The following MAST2 variants were observed in gnomAD, a reference collection of about 807,000 sequenced individuals.
The protein encoded by MAST2 is microtubule associated serine/threonine kinase 2.
Under a neutral mutation model 147.4 loss-of-function variants are expected in MAST2, and 70 were observed. The observed-to-expected ratio is 0.47, with a 90% CI of 0.39 to 0.58. MAST2 has a LOEUF of 0.58. Ranked by LOEUF, MAST2 falls within the 20% of genes least tolerant of loss-of-function variation. MAST2 has a pLI of 0.00. For synonymous variants in MAST2, 869 were observed against 896.8 expected (o/e 0.97, Z 0.55); for missense variants, 2,080 against 2,302.3 (o/e 0.90, Z 1.98).
intron 3 of MAST2, among the ~76,000 whole-genome samples, chr1:45,840,634 T>C (rs1419491387): frequency 6.6e-6 from 1 of 152,196 alleles, no homozygotes; most frequent in African/African-American, 2.4e-5. Flanking sequence ...TATAGTTAAA[T>C]TTAGAGGCAG....
At chr1:45,959,306 T>C (rs2148907614) in intron 4 of MAST2, 80 bp from the exon 5 acceptor site, 1 of 1,080,566 alleles carries the variant, frequency 9.3e-7, no homozygotes, top group East Asian at 2.4e-5. Context: ...GGTGTCCCTC[T>C]TTAGTTCCTT....
At chr1:45,893,624 C>T (rs1168393263) in intron 4 of MAST2, among the ~76,000 whole-genome samples, 1 of 148,812 alleles carries the variant, frequency 6.7e-6, no homozygotes, top group Admixed American at 6.7e-5. Flanking sequence ...AGACTGAAAA[C>T]ACTAAACTTT....
intron 15 of MAST2, among the ~76,000 whole-genome samples, chr1:46,025,038 G>T (rs776126632): frequency 2.6e-4 from 40 of 152,328 alleles, no homozygotes; most frequent in Non-Finnish European, 4.1e-4. Flanking sequence ...CATCAGATGG[G>T]CCGGACGTGG....
Position 45,903,161 on chromosome 1 carries a change from C to G in MAST2, c.500+20766C>G, listed in dbSNP as rs1374353772. 3.8e-5 allele frequency among the ~76,000 whole-genome samples: 4 copies of G among 106,406 alleles called. No individual in the cohort carries two copies. In the East Asian group the frequency reaches 1.2e-3, roughly 32 times the overall value. 69.8% of individuals were successfully genotyped at this position (106,406 alleles called of 152,430 possible). A position where few individuals can be genotyped will look rare whatever the true frequency, so the allele number is the denominator to read the frequency against. ...TTTTTTTTTTTTGGAGACAGAGTCT[C>G]ACTCTGTCGCCCAGGCTGGATGCAG... On this transcript the variant is annotated intron_variant, in intron 4 of 28. Transcript: ENST00000361297.
intron 5 of MAST2, among the ~76,000 whole-genome samples, chr1:45,983,034 C>T (rs1369889742): frequency 6.6e-6 from 1 of 152,186 alleles, no homozygotes; most frequent in East Asian, 1.9e-4. Flanking sequence ...CCTTGCATTA[C>T]AGATGCCTTT....
intron 4 of MAST2, among the ~76,000 whole-genome samples, chr1:45,928,001 C>T (rs779740747): frequency 2.0e-5 from 3 of 152,190 alleles, no homozygotes; most frequent in Non-Finnish European, 4.4e-5. Flanking sequence ...TGCCTAAGAG[C>T]AGGAAGCTGA....
chr1:45,991,923 C>T (rs990747957), intron 5 of MAST2, among the ~76,000 whole-genome samples: 7 of 151,916 alleles, frequency 4.6e-5, no homozygotes, highest in Non-Finnish European at 8.8e-5. Flanking sequence ...GAAATGGGGT[C>T]TCACTATGTT....
intron 4 of MAST2, among the ~76,000 whole-genome samples, chr1:45,953,359 T>C (rs552021306): frequency 1.0e-3 from 155 of 152,316 alleles, no homozygotes; most frequent in African/African-American, 3.7e-3. Flanking sequence ...GACTACCTGC[T>C]TCTGTGGAAA....
chr1:45,949,769 G>A (rs1029201021), intron 4 of MAST2, among the ~76,000 whole-genome samples: 5 of 152,088 alleles, frequency 3.3e-5, no homozygotes, highest in Non-Finnish European at 5.9e-5. Context: ...ACATGCACAC[G>A]AATGTTCATT....
chr1:45,999,140 C>T (rs1645174593), intron 6 of MAST2, among the ~76,000 whole-genome samples: 1 of 152,206 alleles, frequency 6.6e-6, no homozygotes, highest in Admixed American at 6.5e-5. Context: ...ATCCTCTTTC[C>T]AGGATTCTTT....
Position 46,030,156 on chromosome 1 carries a change from A to G in MAST2, c.2471A>G (p.Asp824Gly). 6.2e-7 allele frequency: 1 copy of G among 1,614,202 alleles called. No homozygotes were observed. The highest frequency in any genetic ancestry group is 2.2e-5 in the East Asian group (1 of 44,874). ...DTRSERYHHM[D>G]SEDEEEVSED... ...CGCTCAGAGCGATACCACCACATGG[A>G]CTCGGAGGATGAGGAAGAAGTGAGT... is the stretch of plus-strand genomic sequence containing the variant. The change falls in exon 21 of 29, where the codon GAC becomes GGC. Residue 824 changes from aspartate to glycine, a missense_variant. By Grantham distance (94) the Asp-to-Gly change is moderately conservative. This residue lies in a region of MAST2 where 1,278 missense variants were observed against 1,304.2 expected (regional missense o/e 0.98). Transcript: ENST00000361297.
intron 3 of MAST2, among the ~76,000 whole-genome samples, chr1:45,858,302 A>T (rs1040088717): frequency 4.6e-5 from 7 of 152,130 alleles, no homozygotes; most frequent in Non-Finnish European, 1.0e-4. Flanking sequence ...AATGATTGCC[A>T]TTCTAACTGA....
intron 3 of MAST2, among the ~76,000 whole-genome samples, chr1:45,859,917 C>T (rs1645918957): frequency 6.6e-6 from 1 of 152,016 alleles, no homozygotes; most frequent in African/African-American, 2.4e-5. Flanking sequence ...TTAGTTGAAG[C>T]TGAATAAAGC....
chr1:45,841,287 T>G (rs539013639), intron 3 of MAST2, among the ~76,000 whole-genome samples: 1 of 152,260 alleles, frequency 6.6e-6, no homozygotes, highest in East Asian at 1.9e-4. Flanking sequence ...ATTAAGTCAT[T>G]AAATTTAACT....
Position 45,832,213 on chromosome 1 carries a change from C to CA in MAST2, c.468+2637dup, listed in dbSNP as rs542929726. 5.9e-5 allele frequency among the ~76,000 whole-genome samples: 9 copies of CA among 152,046 alleles called. No individual in the cohort carries two copies. The East Asian group carries it at 1.7e-3, about 29-fold the overall frequency. ...AACCTAAAACAAACAAACAAACAAG[C>CA]AAAAATGGATGAGTGTACCCTCCTA... On this transcript the variant is annotated intron_variant, in intron 3 of 28. Coordinates refer to ENST00000361297, the MANE Select transcript of MAST2 (RefSeq NM_015112.3).
intron 4 of MAST2, among the ~76,000 whole-genome samples, chr1:45,932,976 A>G (rs1049873655): frequency 6.7e-6 from 1 of 149,088 alleles, no homozygotes; most frequent in Admixed American, 6.7e-5. Flanking sequence ...AAGCCAAAAT[A>G]TGAATCAGGC....
intron 3 of MAST2, among the ~76,000 whole-genome samples, chr1:45,840,689 A>G (rs955773407): frequency 6.6e-6 from 1 of 152,214 alleles, no homozygotes; most frequent in South Asian, 2.1e-4. Flanking sequence ...CTAATTTAAT[A>G]TATAAACTAC....
At chr1:45,984,472 A>C (rs1459291571) in intron 5 of MAST2, among the ~76,000 whole-genome samples, 1 of 151,494 alleles carries the variant, frequency 6.6e-6, no homozygotes, top group Non-Finnish European at 1.5e-5. Context: ...CCAGCTAATA[A>C]TTTTTTAAAT....
chr1:45,921,288 C>A (rs556074920), intron 4 of MAST2, among the ~76,000 whole-genome samples: 1 of 152,188 alleles, frequency 6.6e-6, no homozygotes, highest in Non-Finnish European at 1.5e-5. Flanking sequence ...GCCACCGTGC[C>A]CAGCCTATGT....
Sources: gnomAD v4.1 joint callset for allele counts (sites outside exome capture counted in the v4.1 genomes callset) on GRCh38, gnomAD v4.1.1 for gene constraint, gnomAD v4.1.1 regional missense constraint, MANE v1.5 for transcripts, NCBI Gene and HGNC (gene_info 2026-07-23, HGNC 2026-07-21) for gene names.